The following PKP3 variants were observed in gnomAD, a reference collection of about 807,000 sequenced individuals.
PKP3 encodes the protein plakophilin 3.
Under a neutral mutation model 76.5 loss-of-function variants are expected in PKP3, and 66 were observed. The observed-to-expected ratio is 0.86, with a 90% CI of 0.71 to 1.06. The LOEUF is 1.06. Ranked by LOEUF, PKP3 falls within the 50% of genes least tolerant of loss-of-function variation. The pLI is 0.00. For synonymous variants in PKP3, 638 were observed against 516.5 expected, an observed-to-expected ratio of 1.24 and a Z score of -3.19; for missense variants, 1,338 against 1,141.0, an observed-to-expected ratio of 1.17 and a Z score of -2.49.
Position 400,103 on chromosome 11 carries a change from G to C in PKP3, c.1410G>C (p.Ser470=), listed in dbSNP as rs749983629. The change falls in exon 6 of 13, where the codon TCG becomes TCC. Residue 470 remains serine, a synonymous_variant. Transcript: ENST00000331563. ...CCCCCCTCATCCAGCAGAACGCCTCGGAGGCAGAGATCTTCTACAACGCCA... is the reference window on the plus strand; with the variant it reads ...CCCCCCTCATCCAGCAGAACGCCTCCGAGGCAGAGATCTTCTACAACGCCA... ...GGPPLIQQNA[S]EAEIFYNATG... is the part of the protein sequence containing the mutation. 2 of 1,587,334 alleles carry C rather than the reference G, an allele frequency of 1.3e-6. No individual in the cohort carries two copies. The highest frequency in any genetic ancestry group is 1.7e-6 in the Non-Finnish European group (2 of 1,170,858).
rs762929558 is a variant in PKP3, at chr11:397,557, G to T, written c.963G>T (p.Leu321=). 5.6e-6 allele frequency: 9 copies of T among 1,612,076 alleles called. No homozygotes were observed. The South Asian group carries it at 9.9e-5, about 18-fold the overall frequency. ...RLSSGFDDID[L]PSAVKYLMAS... is the part of the protein sequence containing the mutation. ...TCCGCAGTTTTGATGACATTGACCT[G>T]CCCTCAGCAGTCAAGTACCTCATGG... The change falls in exon 4 of 13, where the codon CTG becomes CTT. Residue 321 remains leucine, a synonymous_variant. Transcript: ENST00000331563.
intron 5 of PKP3, among the ~76,000 whole-genome samples, chr11:399,629 G>A (rs1000728344): frequency 2.2e-5 from 3 of 137,556 alleles, no homozygotes; most frequent in Non-Finnish European, 3.1e-5. Context: ...GTTCCCCTCC[G>A]TCCCTTTGTA....
Position 400,667 on chromosome 11 carries a change from G to C in PKP3, c.1699G>C (p.Val567Leu), listed in dbSNP as rs1003581807. 9.8e-6 allele frequency: 13 copies of C among 1,331,012 alleles called. No homozygotes were observed. Among genetic ancestry groups the C allele is most frequent in the Non-Finnish European group, 1.2e-5 (13 of 1,043,390 alleles). The allele number at this position is 1,331,012 out of a possible 1,614,324, so 82.5% of individuals were successfully genotyped here. The change falls in exon 8 of 13, where the codon GTG becomes CTG. Residue 567 changes from valine to leucine, a missense_variant. Val to Leu is a conservative substitution (Grantham distance 32, BLOSUM62 1). Transcript: ENST00000331563. Reference protein sequence around the residue: ...DLAGAPPGEVVGCFTPQSRRL... With the variant: ...DLAGAPPGEVLGCFTPQSRRL... ...GGCGGGGGCGCCGCCGGGAGAGGTCGTGGGCTGCTTCACGCCGCAGAGCCG... is the reference window on the plus strand; with the variant it reads ...GGCGGGGGCGCCGCCGGGAGAGGTCCTGGGCTGCTTCACGCCGCAGAGCCG...
intron 4 of PKP3, 115 bp downstream of exon 4, chr11:397,777 T>A: frequency 9.6e-7 from 1 of 1,037,944 alleles, no homozygotes; most frequent in Non-Finnish European, 1.4e-6. Context: ...GCTGACTGGG[T>A]AGACCCCACT....
upstream of PKP3, chr11:392,746 C>T: frequency 3.5e-6 from 4 of 1,140,636 alleles, no homozygotes; most frequent in Non-Finnish European, 3.5e-6. Context: ...CCCGACCCCA[C>T]CTGGTGGCCC....
In PKP3 at chr11:396,675, G is replaced by C. The variant is rs137999619; in HGVS notation, c.300G>C (p.Gly100=). The C allele has an allele frequency of 8.1e-6, 13 of 1,610,748 alleles. No homozygotes were observed. Among genetic ancestry groups the C allele is most frequent in the Non-Finnish European group, 4.2e-6 (5 of 1,178,902 alleles). ...GFSSRSQGLS[G]DKTSGFRPIA... is the part of the protein sequence containing the mutation. ...GCTCTCGCTCTCAGGGCCTGAGTGGGGACAAGACCTCGGTGAGCGATGGGC... is the reference window on the plus strand; with the variant it reads ...GCTCTCGCTCTCAGGGCCTGAGTGGCGACAAGACCTCGGTGAGCGATGGGC... Residue 100 remains glycine, a synonymous_variant, in exon 2 of 13, where the codon GGG becomes GGC. Transcript: ENST00000331563.
rs1162106866 is a variant in PKP3, at chr11:404,812, G to C, written c.*243G>C. The C allele has an allele frequency of 1.2e-5, 7 of 561,188 alleles. No individual in the cohort carries two copies. Among genetic ancestry groups the C allele is most frequent in the Non-Finnish European group, 1.9e-5 (6 of 311,872 alleles). The allele number at this position is 561,188 out of a possible 1,614,324, so 34.8% of individuals were successfully genotyped here. On this transcript the variant is annotated 3_prime_UTR_variant, in exon 13 of 13. Transcript: ENST00000331563. The surrounding 1 kb of genome is among the most constrained non-coding windows in gnomAD (Gnocchi z 4.2). ...TCAAGGCTGCTCTGGTGTATGGGGT[G>C]GTGACCCAGTCACATTGGCAGAGGT...
Position 399,009 on chromosome 11 carries a change from C to A in PKP3, c.1086C>A (p.Ala362=). 1 of 1,588,956 alleles carries A rather than the reference C, an allele frequency of 6.3e-7. No homozygotes were observed. Among genetic ancestry groups the A allele is most frequent in the Non-Finnish European group, 8.6e-7 (1 of 1,164,668 alleles). ...GCCCGCAGGCCCGCAGCCTTCAGGC[C>A]GTGCCTAGGCTGGTGAAGCTCTTCA... ...AAKKQARSLQ[A]VPRLVKLFNH... is the part of the protein sequence containing the mutation. The change falls in exon 5 of 13, where the codon GCC becomes GCA. Residue 362 remains alanine, a synonymous_variant. Coordinates refer to ENST00000331563, the MANE Select transcript of PKP3 (RefSeq NM_007183.4).
rs745691491 is a variant in PKP3, at chr11:395,677, T to C, written c.233-931T>C. On this transcript the variant is annotated intron_variant, in intron 1 of 12. Coordinates refer to ENST00000331563, the MANE Select transcript of PKP3 (RefSeq NM_007183.4). ...GAAGCCCCATTAACCAGGGTGAACC[T>C]GGGGCCTCTGCCATGGGGGTGTCCC... is the stretch of plus-strand genomic sequence containing the variant. 5.6e-4 allele frequency among the ~76,000 whole-genome samples: 85 copies of C among 152,174 alleles called. 2 individuals carry two copies. Among genetic ancestry groups the C allele is most frequent in the Non-Finnish European group, 2.9e-4 (20 of 68,002 alleles).
chr11:392,769 C>T (rs1846992239), upstream of PKP3: 1 of 917,632 alleles, frequency 1.1e-6, no homozygotes, highest in Non-Finnish European at 1.5e-6. Context: ...GCCCGGGCCT[C>T]ACCCATCCTT....
intron 1 of PKP3, among the ~76,000 whole-genome samples, chr11:395,098 G>A (rs1050304225): frequency 1.1e-4 from 17 of 152,236 alleles, no homozygotes; most frequent in African/African-American, 2.4e-4. Flanking sequence ...AGCACCCCTC[G>A]GTGCCAGCCA....
At chr11:399,334 GC>G (rs1466455325) in intron 5 of PKP3, 138 bp downstream of exon 5, 15 of 256,368 alleles carry the variant, frequency 5.9e-5, no homozygotes, top group East Asian at 7.1e-5. Flanking sequence ...TCTGCCACCT[GC>G]CCCCCTACTC....
Position 394,222 on chromosome 11 carries a change from C to T in PKP3, c.-71C>T, listed in dbSNP as rs553974469. On this transcript the variant is annotated 5_prime_UTR_variant, in exon 1 of 13. Transcript: ENST00000331563. ...GGCGGGGACTTCAGGGAGAGGGCCT[C>T]GAGGGACAGGACGTGAAGATAGTTG... 2,058 of 1,408,136 alleles carry T rather than the reference C, an allele frequency of 1.5e-3. 1 individual carries two copies. The highest frequency in any genetic ancestry group is 1.6e-3 in the Non-Finnish European group (1,763 of 1,085,596). 87.2% of individuals were successfully genotyped at this position (1,408,136 alleles called of 1,614,324 possible).
At position 400,791 on chromosome 11, in the gene PKP3, A is replaced by G. The variant is rs1054755224; in HGVS notation, c.1737+86A>G. The G allele has an allele frequency of 6.6e-3, 3,587 of 546,716 alleles. 50 individuals are homozygous for G. Among genetic ancestry groups the G allele is most frequent in the Admixed American group, 7.9e-3 (33 of 4,168 alleles). 33.9% of individuals were successfully genotyped at this position (546,716 alleles called of 1,614,324 possible). On this transcript the variant is annotated intron_variant, in intron 8 of 12. Transcript: ENST00000331563. ...GGCCCCGCTCACCCCCGCCCCGCTC[A>G]CCCCCGCCCCGCTCACCCCGCCCCG...
chr11:397,233 T>C lies in PKP3; in HGVS notation c.732T>C (p.Arg244=). ...ATEVSPSRTI[R]APAVRTLQRF... The stretch of plus-strand genomic sequence containing the variant: ...AGGTTTCCCCGAGCCGGACCATCCG[T>C]GCCCCTGCCGTGCGGACCCTGCAGC... The change falls in exon 3 of 13, where the codon CGT becomes CGC. Residue 244 remains arginine (R), a synonymous_variant. Coordinates refer to ENST00000331563, the MANE Select transcript of PKP3 (RefSeq NM_007183.4). 6.3e-7 allele frequency: 1 copy of C among 1,599,594 alleles called. No individual in the cohort carries two copies. Among genetic ancestry groups the C allele is most frequent in the East Asian group, 2.2e-5 (1 of 44,822 alleles).
chr11:403,405 C>T (rs1455531806), intron 9 of PKP3, 142 bp downstream of exon 9: 2 of 840,650 alleles, frequency 2.4e-6, no homozygotes, highest in South Asian at 1.8e-5. Context: ...GTGGCGCAGG[C>T]CTTGGGCCTT....
In PKP3 at chr11:399,773, A is replaced by G. The variant is rs375724237; in HGVS notation, c.1274-194A>G. ...GGCCTGCTCACCACCCCACCCCCAC[A>G]TCTTGTCCCCTCTTGCTTGGTCCCA... On this transcript the variant is annotated intron_variant, in intron 5 of 12. Transcript: ENST00000331563. Among the ~76,000 whole-genome samples the G allele has an allele frequency of 3.8e-4, 57 of 149,548 alleles. No individual in the cohort carries two copies. In the East Asian group the frequency reaches 0.011, roughly 29 times the overall value.
chr11:404,366 G>A lies in PKP3; in HGVS notation c.2358+43G>A. ...AGGGCAAGCAGGGACCCGGGTGCAG[G>A]GCATGGGACGCCGGGGGAGGGTCAG... On this transcript the variant is annotated intron_variant, in intron 12 of 12. Coordinates refer to ENST00000331563, the MANE Select transcript of PKP3 (RefSeq NM_007183.4). The surrounding 1 kb of genome is among the most constrained non-coding windows in gnomAD (Gnocchi z 4.2). 1 of 1,557,388 alleles carries A rather than the reference G, an allele frequency of 6.4e-7. No individual in the cohort carries two copies. The highest frequency in any genetic ancestry group is 8.9e-7 in the Non-Finnish European group (1 of 1,129,746).
chr11:400,647 G>T lies in PKP3; in HGVS notation c.1679G>T (p.Gly560Val). 1 of 1,367,328 alleles carries T rather than the reference G, an allele frequency of 7.3e-7. No individual in the cohort carries two copies. Among genetic ancestry groups the T allele is most frequent in the Non-Finnish European group, 9.4e-7 (1 of 1,067,094 alleles). The allele number at this position is 1,367,328 out of a possible 1,614,324, so 84.7% of individuals were successfully genotyped here. A position where few individuals can be genotyped will look rare whatever the true frequency, so the allele number is the denominator to read the frequency against. Residue 560 changes from glycine (G) to valine (V), a missense_variant, in exon 8 of 13, where the codon GGG (glycine) becomes GTG (valine). Physicochemically the swap from Gly to Val is moderately radical, Grantham distance 109. Coordinates refer to ENST00000331563, the MANE Select transcript of PKP3 (RefSeq NM_007183.4). ...LEGRGRRDLA[G>V]APPGEVVGCF... The stretch of plus-strand genomic sequence containing the variant: ...GGTCGCGGCCGCAGGGACCTGGCGG[G>T]GGCGCCGCCGGGAGAGGTCGTGGGC...
Sources: allele counts gnomAD v4.1 joint callset (sites outside exome capture counted in the v4.1 genomes callset), GRCh38; gene constraint gnomAD v4.1.1; non-coding constraint Gnocchi (gnomAD v3.1); transcripts MANE v1.5; gene names NCBI Gene and HGNC (gene_info 2026-07-23, HGNC 2026-07-21).